Variants in PABPC1L2B observed in about 807,000 individuals in gnomAD.
PABPC1L2B encodes poly(A) binding protein cytoplasmic 1 like 2B.
For missense variants in PABPC1L2B, 5 were observed against 16.4 expected, an observed-to-expected ratio of 0.30 and a Z score of 1.20; for synonymous variants, 7 against 7.1, an observed-to-expected ratio of 0.99 and a Z score of 0.02.
In PABPC1L2B at chrX:73,003,488, C is replaced by G. The variant is rs1240686721; in HGVS notation, c.-155C>G. 67 of 692,585 alleles carry G rather than the reference C, an allele frequency of 9.7e-5. No individual in the cohort carries two copies. Among genetic ancestry groups the G allele is most frequent in the Non-Finnish European group, 1.1e-4 (58 of 548,795 alleles). 57.1% of individuals were successfully genotyped at this position (692,585 alleles called of 1,213,427 possible). The stretch of plus-strand genomic sequence containing the variant: ...GCCGCAGCGGAGGCTGCGGGGCCCC[C>G]CTTGGGGGAGGCGGAGGCGGATGCG... On this transcript the variant is annotated 5_prime_UTR_variant, in exon 1 of 1. Transcript: ENST00000373521.
chrX:73,003,721 C>A lies in PABPC1L2B; in HGVS notation c.79C>A (p.Pro27Thr). The change falls in exon 1 of 1, where the codon CCC becomes ACC. Residue 27 changes from proline to threonine, a missense_variant. By Grantham distance (38) the Pro-to-Thr change is conservative. Coordinates refer to ENST00000373521, the MANE Select transcript of PABPC1L2B (RefSeq NM_001042506.2). ...MLYEKFSPAG[P>T]ILSIRICRDK... Reference sequence around the variant, plus strand: ...GTACGAGAAGTTCAGTCCAGCTGGGCCCATCCTCTCCATCCGCATCTGCAG... The same window carrying A: ...GTACGAGAAGTTCAGTCCAGCTGGGACCATCCTCTCCATCCGCATCTGCAG... 4.1e-6 allele frequency: 1 copy of A among 246,333 alleles called. No homozygotes were observed. The highest frequency in any genetic ancestry group is 5.9e-6 in the Non-Finnish European group (1 of 169,219). The allele number at this position is 246,333 out of a possible 1,213,427, so 20.3% of individuals were successfully genotyped here. A position where few individuals can be genotyped will look rare whatever the true frequency, so the allele number is the denominator to read the frequency against.
Position 73,003,504 on chromosome X carries a change from G to T in PABPC1L2B, c.-139G>T, listed in dbSNP as rs1387947169. The T allele has an allele frequency of 2.2e-5, 17 of 787,601 alleles. No homozygotes were observed. The highest frequency in any genetic ancestry group is 4.3e-4 in the Middle Eastern group (1 of 2,331). 64.9% of individuals were successfully genotyped at this position (787,601 alleles called of 1,213,427 possible). ...CGGGGCCCCCCTTGGGGGAGGCGGA[G>T]GCGGATGCGGATGCGGATGCGGATG... On this transcript the variant is annotated 5_prime_UTR_variant, in exon 1 of 1. The change creates a new upstream start codon in the 5' untranslated region. Coordinates refer to ENST00000373521, the MANE Select transcript of PABPC1L2B (RefSeq NM_001042506.2).
In PABPC1L2B at chrX:73,006,065, G is replaced by A. The variant is rs2055186863; in HGVS notation, c.*1820G>A. On this transcript the variant is annotated 3_prime_UTR_variant, in exon 1 of 1. Transcript: ENST00000373521. ...ATATTGTGAGTGTACCTGGATACCT[G>A]TACAGTTTTTGAGACTTGGTATTAA... Among the ~76,000 whole-genome samples, 1 of 111,698 alleles carries A rather than the reference G, an allele frequency of 9.0e-6. No homozygotes were observed. The highest frequency in any genetic ancestry group is 9.5e-5 in the Admixed American group (1 of 10,528).
rs1265123362 is a variant in PABPC1L2B, at chrX:73,005,780, TTAGATA to T, written c.*1545_*1550del. The T allele has an allele frequency of 4.1e-5, 5 of 122,134 alleles. No individual in the cohort carries two copies. Among genetic ancestry groups the T allele is most frequent in the Non-Finnish European group, 9.4e-5 (5 of 53,185 alleles). 10.1% of individuals were successfully genotyped at this position (122,134 alleles called of 1,213,427 possible). ...ATAGAGTGATAGATATATATACATA[TTAGATA>T]TAGATATAGGGATATATTTGTTTTA... On this transcript the variant is annotated 3_prime_UTR_variant, in exon 1 of 1. Coordinates refer to ENST00000373521, the MANE Select transcript of PABPC1L2B (RefSeq NM_001042506.2).
chrX:73,003,502 G>A lies in PABPC1L2B; in HGVS notation c.-141G>A. 6.3e-6 allele frequency: 5 copies of A among 794,773 alleles called. No individual in the cohort carries two copies. Among genetic ancestry groups the A allele is most frequent in the Non-Finnish European group, 7.8e-6 (5 of 637,558 alleles). 65.5% of individuals were successfully genotyped at this position (794,773 alleles called of 1,213,427 possible). On this transcript the variant is annotated 5_prime_UTR_variant, in exon 1 of 1. Coordinates refer to ENST00000373521, the MANE Select transcript of PABPC1L2B (RefSeq NM_001042506.2). ...TGCGGGGCCCCCCTTGGGGGAGGCG[G>A]AGGCGGATGCGGATGCGGATGCGGA...
rs1269246948 is a variant in PABPC1L2B, at chrX:73,005,919, A to C, written c.*1674A>C. ...TTACATTCATGTTTATTTCCTGAAC[A>C]AAAGTTAATAGTATAATTGAAGGAT... On this transcript the variant is annotated 3_prime_UTR_variant, in exon 1 of 1. Transcript: ENST00000373521. Among the ~76,000 whole-genome samples, 1 of 111,964 alleles carries C rather than the reference A, an allele frequency of 8.9e-6. No homozygotes were observed. The highest frequency in any genetic ancestry group is 1.9e-5 in the Non-Finnish European group (1 of 53,225).
Position 73,005,305 on chromosome X carries a change from T to TGTG in PABPC1L2B, c.*1060_*1061insGTG, listed in dbSNP as rs1569465123. On this transcript the variant is annotated 3_prime_UTR_variant, in exon 1 of 1. Coordinates refer to ENST00000373521, the MANE Select transcript of PABPC1L2B (RefSeq NM_001042506.2). ...CGTGTGTGCATGCGTGTGTGTGTCT[T>TGTG]TGTGTGTGTGTCTTGGCCAGCTTGG... The TGTG allele has an allele frequency of 3.3e-5, 4 of 122,229 alleles. No homozygotes were observed. Among genetic ancestry groups the TGTG allele is most frequent in the Admixed American group, 9.6e-5 (1 of 10,381 alleles). The allele number at this position is 122,229 out of a possible 1,213,427, so 10.1% of individuals were successfully genotyped here.
In PABPC1L2B at chrX:73,003,206, C is replaced by T. The variant is rs1254139161; in HGVS notation, c.-437C>T. 2.1e-4 allele frequency among the ~76,000 whole-genome samples: 1 copy of T among 4,846 alleles called. No homozygotes were observed. Among genetic ancestry groups the T allele is most frequent in the Non-Finnish European group, 2.8e-4 (1 of 3,527 alleles). The allele number at this position is 4,846 out of a possible 115,157, so 4.2% of individuals were successfully genotyped here. A position where few individuals can be genotyped will look rare whatever the true frequency, so the allele number is the denominator to read the frequency against. ...CGCGGCAGCGGCCCGGCGGCAGCGG[C>T]GACCGTGGCGACAGCAGCGACAGTG... On this transcript the variant is annotated 5_prime_UTR_variant, in exon 1 of 1. Transcript: ENST00000373521.
chrX:73,005,351 C>G lies in PABPC1L2B; in HGVS notation c.*1106C>G, dbSNP rs141974740. Reference sequence around the variant, plus strand: ...CTTGGCGGGCTGCAAAGGGTGTTTCCCTGTCCTCAGTGGTTTTGCTGCAAT... The same window carrying G: ...CTTGGCGGGCTGCAAAGGGTGTTTCGCTGTCCTCAGTGGTTTTGCTGCAAT... On this transcript the variant is annotated 3_prime_UTR_variant, in exon 1 of 1. Transcript: ENST00000373521. 4.8e-3 allele frequency: 588 copies of G among 122,367 alleles called. 6 individuals carry two copies. The highest frequency in any genetic ancestry group is 0.014 in the Middle Eastern group (3 of 219). The allele number at this position is 122,367 out of a possible 1,213,427, so 10.1% of individuals were successfully genotyped here.
rs1556364736 is a variant in PABPC1L2B, at chrX:73,005,873, C to G, written c.*1628C>G. 9.0e-6 allele frequency among the ~76,000 whole-genome samples: 1 copy of G among 111,730 alleles called. No homozygotes were observed. The highest frequency in any genetic ancestry group is 3.3e-5 in the African/African-American group (1 of 30,749). On this transcript the variant is annotated 3_prime_UTR_variant, in exon 1 of 1. Transcript: ENST00000373521. The stretch of plus-strand genomic sequence containing the variant: ...TTCTTATGCAAGCCAAAGCTGCCAA[C>G]AAGATCACAGTGCACAAACATTACA...
Position 73,005,021 on chromosome X carries a change from G to A in PABPC1L2B, c.*776G>A, listed in dbSNP as rs1556364415. On this transcript the variant is annotated 3_prime_UTR_variant, in exon 1 of 1. Transcript: ENST00000373521. The stretch of plus-strand genomic sequence containing the variant: ...TCCCTGTGTTTAAGACCAACATTGC[G>A]TGCTCTGTGCTTTGATGAGTGAATC... 1.3e-5 allele frequency: 1 copy of A among 78,456 alleles called. No individual in the cohort carries two copies. Among genetic ancestry groups the A allele is most frequent in the African/African-American group, 5.6e-5 (1 of 17,808 alleles). The allele number at this position is 78,456 out of a possible 1,213,427, so 6.5% of individuals were successfully genotyped here.
In PABPC1L2B at chrX:73,005,279, G is replaced by T. The variant is rs1349483291; in HGVS notation, c.*1034G>T. On this transcript the variant is annotated 3_prime_UTR_variant, in exon 1 of 1. Coordinates refer to ENST00000373521, the MANE Select transcript of PABPC1L2B (RefSeq NM_001042506.2). Reference sequence around the variant, plus strand: ...TAATTGATCGTGTGTGTGCGTGCGTGCGTGTGTGCATGCGTGTGTGTGTCT... The same window carrying T: ...TAATTGATCGTGTGTGTGCGTGCGTTCGTGTGTGCATGCGTGTGTGTGTCT... 1 of 122,361 alleles carries T rather than the reference G, an allele frequency of 8.2e-6. No homozygotes were observed. Among genetic ancestry groups the T allele is most frequent in the African/African-American group, 3.3e-5 (1 of 30,411 alleles). The allele number at this position is 122,361 out of a possible 1,213,427, so 10.1% of individuals were successfully genotyped here.
At position 73,005,773 on chromosome X, in the gene PABPC1L2B, A is replaced by G. The variant is rs982169042; in HGVS notation, c.*1528A>G. The G allele has an allele frequency of 9.0e-5, 11 of 122,313 alleles. No individual in the cohort carries two copies. The highest frequency in any genetic ancestry group is 3.6e-4 in the African/African-American group (11 of 30,714). 10.1% of individuals were successfully genotyped at this position (122,313 alleles called of 1,213,427 possible). ...GGGCTTCATAGAGTGATAGATATATATACATATTAGATATAGATATAGGGA... is the reference window on the plus strand; with the variant it reads ...GGGCTTCATAGAGTGATAGATATATGTACATATTAGATATAGATATAGGGA... On this transcript the variant is annotated 3_prime_UTR_variant, in exon 1 of 1. Transcript: ENST00000373521.
In PABPC1L2B at chrX:73,005,611, A is replaced by G. The variant is rs1556364670; in HGVS notation, c.*1366A>G. On this transcript the variant is annotated 3_prime_UTR_variant, in exon 1 of 1. Coordinates refer to ENST00000373521, the MANE Select transcript of PABPC1L2B (RefSeq NM_001042506.2). ...TGATATATATGTGAAATTATTGTATATACTGTTTCAATATCTGCTTTTTCA... is the reference window on the plus strand; with the variant it reads ...TGATATATATGTGAAATTATTGTATGTACTGTTTCAATATCTGCTTTTTCA... 1.6e-5 allele frequency: 2 copies of G among 122,962 alleles called. No homozygotes were observed. The allele number at this position is 122,962 out of a possible 1,213,427, so 10.1% of individuals were successfully genotyped here.
rs1417398692 is a variant in PABPC1L2B, at chrX:73,005,774, T to C, written c.*1529T>C. ...GGCTTCATAGAGTGATAGATATATA[T>C]ACATATTAGATATAGATATAGGGAT... On this transcript the variant is annotated 3_prime_UTR_variant, in exon 1 of 1. Coordinates refer to ENST00000373521, the MANE Select transcript of PABPC1L2B (RefSeq NM_001042506.2). 8.2e-6 allele frequency: 1 copy of C among 122,299 alleles called. No homozygotes were observed. The highest frequency in any genetic ancestry group is 1.9e-5 in the Non-Finnish European group (1 of 53,188). 10.1% of individuals were successfully genotyped at this position (122,299 alleles called of 1,213,427 possible). A position where few individuals can be genotyped will look rare whatever the true frequency, so the allele number is the denominator to read the frequency against.
chrX:73,005,930 G>A lies in PABPC1L2B; in HGVS notation c.*1685G>A. On this transcript the variant is annotated 3_prime_UTR_variant, in exon 1 of 1. Transcript: ENST00000373521. ...TTTATTTCCTGAACAAAAGTTAATA[G>A]TATAATTGAAGGATGAAAAGATATG... Among the ~76,000 whole-genome samples the A allele has an allele frequency of 8.9e-6, 1 of 111,753 alleles. No individual in the cohort carries two copies. Among genetic ancestry groups the A allele is most frequent in the Non-Finnish European group, 1.9e-5 (1 of 53,168 alleles).
rs1556364672 is a variant in PABPC1L2B at position 73,005,626 on chromosome X, C to T, written c.*1381C>T. 2 of 122,542 alleles carry T rather than the reference C, an allele frequency of 1.6e-5. No homozygotes were observed. Among genetic ancestry groups the T allele is most frequent in the Admixed American group, 9.6e-5 (1 of 10,444 alleles). The allele number at this position is 122,542 out of a possible 1,213,427, so 10.1% of individuals were successfully genotyped here. ...ATTATTGTATATACTGTTTCAATATCTGCTTTTTCACACAGAAATATATAT... is the reference window on the plus strand; with the variant it reads ...ATTATTGTATATACTGTTTCAATATTTGCTTTTTCACACAGAAATATATAT... On this transcript the variant is annotated 3_prime_UTR_variant, in exon 1 of 1. Coordinates refer to ENST00000373521, the MANE Select transcript of PABPC1L2B (RefSeq NM_001042506.2).
In PABPC1L2B at chrX:73,003,459, C is replaced by T. The variant is rs1439375028; in HGVS notation, c.-184C>T. On this transcript the variant is annotated 5_prime_UTR_variant, in exon 1 of 1. Transcript: ENST00000373521. ...TGGCGGAGGGCAGCGCGGCCGAAGC[C>T]GCCGCCGCAGCGGAGGCTGCGGGGC... is the stretch of plus-strand genomic sequence containing the variant. The T allele has an allele frequency of 1.3e-5, 3 of 229,212 alleles. No homozygotes were observed. Among genetic ancestry groups the T allele is most frequent in the Non-Finnish European group, 1.9e-5 (3 of 158,747 alleles). The allele number at this position is 229,212 out of a possible 1,213,427, so 18.9% of individuals were successfully genotyped here.
Position 73,005,677 on chromosome X carries a change from T to G in PABPC1L2B, c.*1432T>G, listed in dbSNP as rs1242675445. On this transcript the variant is annotated 3_prime_UTR_variant, in exon 1 of 1. Transcript: ENST00000373521. ...TATAGACATAGATTTATAGATATTCTTGAACTTTCATGTCATTAAATATTC... is the reference window on the plus strand; with the variant it reads ...TATAGACATAGATTTATAGATATTCGTGAACTTTCATGTCATTAAATATTC... 1.6e-5 allele frequency: 2 copies of G among 123,456 alleles called. No homozygotes were observed. The highest frequency in any genetic ancestry group is 6.5e-5 in the African/African-American group (2 of 30,867). The allele number at this position is 123,456 out of a possible 1,213,427, so 10.2% of individuals were successfully genotyped here.
Sources: allele counts gnomAD v4.1 joint callset (sites outside exome capture counted in the v4.1 genomes callset), GRCh38; gene constraint gnomAD v4.1.1; transcripts MANE v1.5; gene names NCBI Gene and HGNC (gene_info 2026-07-23, HGNC 2026-07-21).